SNX25: variants seen among roughly 807,000 people sequenced by gnomAD.
SNX25 encodes sorting nexin 25.
SNX25 carries 62 observed loss-of-function variants against 113.7 expected under a neutral mutation model. The observed-to-expected ratio is 0.55, with a 90% CI of 0.44 to 0.67. The LOEUF (loss-of-function observed/expected upper bound fraction) is 0.67, where lower values mean the gene tolerates loss of function less well. Ranked by LOEUF, SNX25 falls within the 30% of genes least tolerant of loss-of-function variation. SNX25 has a pLI of 0.00. For missense variants in SNX25, 1,014 were observed against 1,161.0 expected (o/e 0.87, Z 1.84); for synonymous variants, 421 against 436.2 (o/e 0.97, Z 0.43).
intron 1 of SNX25, among the ~76,000 whole-genome samples, chr4:185,238,972 G>T (rs1382005753): frequency 2.0e-5 from 3 of 152,138 alleles, no homozygotes; most frequent in African/African-American, 7.2e-5. Context: ...TGATTGTTCA[G>T]TTGCTTCTGG....
In SNX25 at chr4:185,354,035, C is replaced by G. The variant is rs549013519; in HGVS notation, c.2584+433C>G. Among the ~76,000 whole-genome samples the G allele has an allele frequency of 1.0e-4, 15 of 146,414 alleles. No homozygotes were observed. The South Asian group carries it at 3.1e-3, about 30-fold the overall frequency. On this transcript the variant is annotated intron_variant, in intron 15 of 18. Coordinates refer to ENST00000652585, the MANE Select transcript of SNX25 (RefSeq NM_001378034.2). ...CTCCAGCCTGGGTAACAGCGAGACT[C>G]CGTCTCAAAAAAAAAAAAAAAAAGA...
At chr4:185,371,539 C>T (rs1170601400), downstream of SNX25, among the ~76,000 whole-genome samples, 1 of 42,398 alleles carries the variant, frequency 2.4e-5, no homozygotes, top group Non-Finnish European at 4.5e-5. Context: ...GAGACTCCGT[C>T]TAAAAAAAAA....
At chr4:185,362,422 G>T (rs542395980) in intron 17 of SNX25, 189 bp from the exon 18 acceptor site, 1 of 903,184 alleles carries the variant, frequency 1.1e-6, no homozygotes, top group Non-Finnish European at 1.3e-6. Flanking sequence ...TATTAAAATT[G>T]TAATTTGTAT....
chr4:185,342,439 C>T (rs995707081), intron 12 of SNX25, among the ~76,000 whole-genome samples: 4 of 152,212 alleles, frequency 2.6e-5, no homozygotes, highest in Admixed American at 2.6e-4. Context: ...TTGTGAGTTG[C>T]AGCAGTAGAA....
rs371526877 is a variant in SNX25 at position 185,323,617 on chromosome 4, A to G, written c.1566A>G (p.Glu522=). 3.1e-6 allele frequency: 5 copies of G among 1,613,490 alleles called. No homozygotes were observed. The African/African-American group carries it at 6.7e-5, about 22-fold the overall frequency. Reference sequence around the variant, plus strand: ...CTGTGGAAAAATCACTTTACAAAGAAATTCAGCAGTGTCTTGTAGGAAATA... The same window carrying G: ...CTGTGGAAAAATCACTTTACAAAGAGATTCAGCAGTGTCTTGTAGGAAATA... ...EISVEKSLYK[E]IQQCLVGNKG... Residue 522 remains glutamate (E), a synonymous_variant, in exon 9 of 19, where the codon GAA becomes GAG. Coordinates refer to ENST00000652585, the MANE Select transcript of SNX25 (RefSeq NM_001378034.2).
intron 3 of SNX25, among the ~76,000 whole-genome samples, chr4:185,261,808 A>G (rs908694144): frequency 3.3e-5 from 5 of 152,222 alleles, no homozygotes; most frequent in African/African-American, 1.2e-4. Context: ...ATGATAAAAA[A>G]TAAAGAACAA....
chr4:185,279,994 C>T (rs1218310450), intron 5 of SNX25, among the ~76,000 whole-genome samples: 1 of 152,080 alleles, frequency 6.6e-6, no homozygotes, highest in East Asian at 1.9e-4. Flanking sequence ...GATCACAGCT[C>T]ACTGCAACCT....
intron 15 of SNX25, among the ~76,000 whole-genome samples, chr4:185,356,611 G>A (rs1294615136): frequency 2.6e-5 from 4 of 152,110 alleles, no homozygotes; most frequent in African/African-American, 4.8e-5. Flanking sequence ...ATTAGAAATG[G>A]CTTTAGAGTA....
intron 1 of SNX25, among the ~76,000 whole-genome samples, chr4:185,212,485 GTGTGTGTT>G (rs1188740973): frequency 6.8e-4 from 33 of 48,338 alleles, no homozygotes; most frequent in Non-Finnish European, 5.2e-4. Flanking sequence ...GTGTGTGTGT[GTGTGTGTT>G]TTTTTTTTTT....
intron 5 of SNX25, among the ~76,000 whole-genome samples, chr4:185,269,486 C>T (rs1329012231): frequency 6.6e-6 from 1 of 152,154 alleles, no homozygotes; most frequent in Admixed American, 6.5e-5. Flanking sequence ...AATTCCTGAG[C>T]ATTTTTCTTT....
At chr4:185,364,413 A>G (rs1160174102), downstream of SNX25, 1 of 152,222 alleles carries the variant, frequency 6.6e-6, no homozygotes, top group Admixed American at 6.5e-5. Flanking sequence ...TGCAGTAATA[A>G]AATACCTTCC....
intron 5 of SNX25, among the ~76,000 whole-genome samples, chr4:185,272,594 A>G (rs1480847612): frequency 1.3e-5 from 2 of 152,222 alleles, no homozygotes; most frequent in African/African-American, 4.8e-5. Context: ...TCCGGGCATC[A>G]GGATTTTTAA....
chr4:185,305,576 A>G (rs1375148026), intron 6 of SNX25, among the ~76,000 whole-genome samples: 1 of 152,196 alleles, frequency 6.6e-6, no homozygotes. Context: ...ACTGCAAGCC[A>G]CTTCACTTGC....
intron 2 of SNX25, among the ~76,000 whole-genome samples, chr4:185,255,537 C>T (rs892072271): frequency 3.3e-5 from 5 of 152,086 alleles, no homozygotes; most frequent in African/African-American, 7.2e-5. Flanking sequence ...TGGCCTCACT[C>T]GTTGGTTCTG....
downstream of SNX25, among the ~76,000 whole-genome samples, chr4:185,367,717 A>ACCCC (rs1561071238): frequency 6.6e-6 from 1 of 152,034 alleles, no homozygotes; most frequent in Admixed American, 6.5e-5. Flanking sequence ...TCTCATCCAA[A>ACCCC]CCCCATTCTA....
At chr4:185,221,191 C>T (rs1293303862) in intron 1 of SNX25, among the ~76,000 whole-genome samples, 5 of 152,074 alleles carry the variant, frequency 3.3e-5, no homozygotes, top group Non-Finnish European at 5.9e-5. Context: ...TGCCACCGCA[C>T]TCAACTAATT....
intron 5 of SNX25, among the ~76,000 whole-genome samples, chr4:185,274,807 T>C (rs1489793484): frequency 6.6e-6 from 1 of 152,178 alleles, no homozygotes; most frequent in Non-Finnish European, 1.5e-5. Context: ...TTAGGTAGTA[T>C]TTTTTCCCTT....
intron 1 of SNX25, among the ~76,000 whole-genome samples, chr4:185,231,194 G>A (rs1741792920): frequency 6.6e-6 from 1 of 151,070 alleles, no homozygotes; most frequent in African/African-American, 2.4e-5. Flanking sequence ...TGCTTCCTGG[G>A]TTCACGCCAT....
In SNX25 at chr4:185,210,177, C is replaced by T. The variant is rs1737508630; in HGVS notation, c.351C>T (p.Ser117=). 9.1e-6 allele frequency: 9 copies of T among 985,010 alleles called. No homozygotes were observed. Among genetic ancestry groups the T allele is most frequent in the Non-Finnish European group, 9.6e-6 (8 of 830,292 alleles). The allele number at this position is 985,010 out of a possible 1,614,324, so 61.0% of individuals were successfully genotyped here. The change falls in exon 1 of 19, where the codon AGC becomes AGT. Residue 117 remains serine, a synonymous_variant. Coordinates refer to ENST00000652585, the MANE Select transcript of SNX25 (RefSeq NM_001378034.2). This position sits in a 1 kb window ranked among gnomAD's most constrained non-coding sequence, Gnocchi z 4.4. ...LGILFALVCR[S]PRAQPPDFAA... ...TCCTGTTTGCCCTCGTCTGCCGGAG[C>T]CCGCGCGCCCAGCCGCCCGACTTCG...
Sources: allele counts gnomAD v4.1 joint callset (sites outside exome capture counted in the v4.1 genomes callset), GRCh38; gene constraint gnomAD v4.1.1; non-coding constraint Gnocchi (gnomAD v3.1); transcripts MANE v1.5; gene names NCBI Gene and HGNC (gene_info 2026-07-23, HGNC 2026-07-21).